LRP1B: variants seen among roughly 807,000 people sequenced by gnomAD.
LRP1B encodes the protein LDL receptor related protein 1B, also known as low-density lipoprotein receptor-related protein 1B.
A neutral mutation model predicts 556.6 loss-of-function variants in LRP1B; 217 were observed. The observed-to-expected ratio is 0.39, with a 90% CI of 0.35 to 0.44. LRP1B has a LOEUF of 0.44. Ranked by LOEUF, LRP1B falls within the 20% of genes least tolerant of loss-of-function variation. The pLI, the probability that LRP1B is intolerant of heterozygous loss-of-function variation, is 1.00. For missense variants in LRP1B, 5,053 were observed against 5,620.8 expected (o/e 0.90, Z 3.23); for synonymous variants, 2,047 against 1,865.8 (o/e 1.10, Z -2.50).
At chr2:140,466,354 A>C (rs1312833574) in intron 60 of LRP1B, among the ~76,000 whole-genome samples, 1 of 152,102 alleles carries the variant, frequency 6.6e-6, no homozygotes, top group Non-Finnish European at 1.5e-5. Flanking sequence ...CTAACACTGC[A>C]TGGGTTATGA....
intron 1 of LRP1B, among the ~76,000 whole-genome samples, chr2:141,965,727 C>T (rs1307042621): frequency 7.3e-6 from 1 of 136,446 alleles, no homozygotes; most frequent in Non-Finnish European, 1.6e-5. Context: ...GCACATGTAC[C>T]CTAAAACTTA....
At chr2:140,916,888 T>C (rs1029058029) in intron 21 of LRP1B, among the ~76,000 whole-genome samples, 1 of 152,206 alleles carries the variant, frequency 6.6e-6, no homozygotes, top group Non-Finnish European at 1.5e-5. Flanking sequence ...CTATGCCCAC[T>C]CTTGCACTCC....
intron 7 of LRP1B, among the ~76,000 whole-genome samples, chr2:141,120,301 C>A (rs1701014781): frequency 6.6e-6 from 1 of 151,852 alleles, no homozygotes; most frequent in Admixed American, 6.6e-5. Context: ...ATAGAAAAGG[C>A]TTTGATGATG....
At chr2:140,782,055 TTTGTTG>T (rs142116725) in intron 32 of LRP1B, among the ~76,000 whole-genome samples, 3 of 151,742 alleles carry the variant, frequency 2.0e-5, no homozygotes, top group Non-Finnish European at 2.9e-5. Context: ...TCTCACATTT[TTTGTTG>T]TTGTTGTTTC....
intron 1 of LRP1B, among the ~76,000 whole-genome samples, chr2:141,925,497 T>TA (rs1011143804): frequency 5.9e-5 from 9 of 152,208 alleles, no homozygotes; most frequent in African/African-American, 2.2e-4. Flanking sequence ...GAGGAATTCA[T>TA]AAATCTATTT....
intron 1 of LRP1B, among the ~76,000 whole-genome samples, chr2:142,084,248 T>C (rs1303824950): frequency 2.6e-5 from 4 of 152,110 alleles, no homozygotes; most frequent in Non-Finnish European, 5.9e-5. Flanking sequence ...TCCCAAAGTG[T>C]TGGGCTTAAA....
intron 45 of LRP1B, among the ~76,000 whole-genome samples, chr2:140,538,262 G>C (rs555564219): frequency 1.3e-5 from 2 of 152,104 alleles, no homozygotes; most frequent in African/African-American, 4.8e-5. Flanking sequence ...TACATGTGCA[G>C]GTTTGTTACA....
At chr2:140,948,144 GAGA>G (rs1370267354) in intron 20 of LRP1B, among the ~76,000 whole-genome samples, 1 of 152,114 alleles carries the variant, frequency 6.6e-6, no homozygotes, top group Admixed American at 6.6e-5. Context: ...GCACATGCAA[GAGA>G]AGGATGTGAG....
At chr2:140,701,607 A>G (rs773325969) in intron 40 of LRP1B, 114 bp downstream of exon 40, 70 of 964,318 alleles carry the variant, frequency 7.3e-5, no homozygotes, top group Non-Finnish European at 1.1e-4. Context: ...ATGTAAAGAT[A>G]ATGTTTTGAG....
chr2:140,778,955 T>C (rs1363086243), intron 32 of LRP1B, among the ~76,000 whole-genome samples: 3 of 151,738 alleles, frequency 2.0e-5, no homozygotes, highest in African/African-American at 7.2e-5. Flanking sequence ...TAAACATTAA[T>C]GTTTATTTTG....
chr2:141,875,837 G>A (rs780086279), intron 1 of LRP1B, among the ~76,000 whole-genome samples: 1 of 151,886 alleles, frequency 6.6e-6, no homozygotes, highest in Non-Finnish European at 1.5e-5. Flanking sequence ...ATGCGTATGT[G>A]TAGCGAGGGT....
chr2:141,960,723 T>C (rs2105053778), intron 1 of LRP1B, among the ~76,000 whole-genome samples: 1 of 152,026 alleles, frequency 6.6e-6, no homozygotes, highest in East Asian at 1.9e-4. Flanking sequence ...CTTTAATTTG[T>C]ACTACGGACC....
intron 7 of LRP1B, among the ~76,000 whole-genome samples, chr2:141,112,071 T>TAAATAATAAATAAATA (rs1553461490): frequency 1.4e-5 from 2 of 145,754 alleles, no homozygotes; most frequent in Non-Finnish European, 3.0e-5. Context: ...AATAAATAAA[T>TAAATAATAAATAAATA]AATAAATAAA....
intron 3 of LRP1B, among the ~76,000 whole-genome samples, chr2:141,344,010 C>G (rs1322346875): frequency 5.3e-5 from 8 of 152,104 alleles, no homozygotes; most frequent in African/African-American, 1.9e-4. Flanking sequence ...TTTTTTCAGA[C>G]AATATCTGAG....
At chr2:140,383,679 C>T (rs543655052) in intron 67 of LRP1B, among the ~76,000 whole-genome samples, 2 of 152,198 alleles carry the variant, frequency 1.3e-5, no homozygotes, top group Admixed American at 6.5e-5. Flanking sequence ...AAAATGTAAA[C>T]GTACTCTTAT....
chr2:140,881,559 T>C (rs1239036227), intron 25 of LRP1B, among the ~76,000 whole-genome samples: 2 of 140,690 alleles, frequency 1.4e-5, no homozygotes, highest in African/African-American at 2.8e-5. Flanking sequence ...AGTTAACACT[T>C]AGAGTTTAAT....
At chr2:141,713,086 C>G (rs1026748728) in intron 2 of LRP1B, among the ~76,000 whole-genome samples, 1 of 144,402 alleles carries the variant, frequency 6.9e-6, no homozygotes, top group Non-Finnish European at 1.5e-5. Context: ...AAAATAATTT[C>G]ATTTTTTTTT....
intron 65 of LRP1B, among the ~76,000 whole-genome samples, chr2:140,443,635 A>G (rs1303907674): frequency 6.6e-6 from 1 of 152,248 alleles, no homozygotes; most frequent in African/African-American, 2.4e-5. Context: ...CATTAGTCAC[A>G]TAATCTGCAT....
chr2:141,878,246 G>A (rs1299787361), intron 1 of LRP1B, among the ~76,000 whole-genome samples: 5 of 151,856 alleles, frequency 3.3e-5, no homozygotes, highest in African/African-American at 1.2e-4. Context: ...CTGGTGAGTG[G>A]GTTCAGAAGA....
Sources: gnomAD v4.1 joint callset for allele counts (sites outside exome capture counted in the v4.1 genomes callset) on GRCh38, gnomAD v4.1.1 for gene constraint, MANE v1.5 for transcripts, NCBI Gene and HGNC (gene_info 2026-07-23, HGNC 2026-07-21) for gene names.